KRT82: variants seen among roughly 807,000 people sequenced by gnomAD.
The protein encoded by KRT82 is keratin, type II cuticular Hb2.
In KRT82, 44 loss-of-function variants were observed where a neutral mutation model predicts 48.0. The observed-to-expected ratio is 0.92, with a 90% CI of 0.72 to 1.18. The LOEUF (loss-of-function observed/expected upper bound fraction) is 1.18. Ranked by LOEUF, KRT82 falls within the 50% of genes most tolerant of loss-of-function variation. The pLI is 0.00. For missense variants in KRT82, 701 were observed against 671.4 expected (o/e 1.04, Z -0.49); for synonymous variants, 297 against 278.3 (o/e 1.07, Z -0.67).
In KRT82 at chr12:52,401,191, G is replaced by C. The variant is rs930495149; in HGVS notation, c.681+98C>G. 54 of 975,676 alleles carry C rather than the reference G, an allele frequency of 5.5e-5. No homozygotes were observed. In the Admixed American group the frequency reaches 7.1e-4, roughly 13 times the overall value. The allele number at this position is 975,676 out of a possible 1,614,324, so 60.4% of individuals were successfully genotyped here. ...GGGCGAAAAACCCTTTTTCAGAGTG[G>C]GTGGGCTGCAGACACGTTTGGACTG... On this transcript the variant is annotated intron_variant, in intron 3 of 8. Transcript: ENST00000257974.
intron 4 of KRT82, 72 bp downstream of exon 4, chr12:52,400,455 G>T (rs377080239): frequency 1.8e-6 from 2 of 1,126,650 alleles, no homozygotes; most frequent in Non-Finnish European, 2.7e-6. Flanking sequence ...CCCACTGGGC[G>T]GCCACTCTGC....
intron 6 of KRT82, 24 bp from the exon 7 acceptor site, chr12:52,396,256 AT>A (rs1169364145): frequency 6.3e-7 from 1 of 1,596,344 alleles, no homozygotes; most frequent in South Asian, 1.1e-5. Flanking sequence ...GCAGAAAAGC[AT>A]CACTGGGGGC....
chr12:52,403,716 T>C lies in KRT82; in HGVS notation c.605A>G (p.Glu202Gly), dbSNP rs748424473. 1 of 1,608,542 alleles carries C rather than the reference T, an allele frequency of 6.2e-7. No homozygotes were observed. Among genetic ancestry groups the C allele is most frequent in the Non-Finnish European group, 8.5e-7 (1 of 1,175,856 alleles). The change falls in exon 2 of 9, where the codon GAG becomes GGG. Residue 202 changes from glutamate (E) to glycine (G), a missense_variant. Glu to Gly is a moderately conservative substitution (Grantham distance 98). Transcript: ENST00000257974. ...SELCSLQAAL[E>G]GYKKKYEEEL... ...ACTGACTCACTTTTTCTTGTAGCCC[T>C]CCAGTGCAGCCTGGAGGCTGCAGAG...
chr12:52,404,179 C>A (rs1405879996), intron 1 of KRT82, among the ~76,000 whole-genome samples: 5 of 152,198 alleles, frequency 3.3e-5, no homozygotes, highest in Admixed American at 3.3e-4. Context: ...CTAGGCAAGT[C>A]CTGTTTCAGC....
Position 52,396,892 on chromosome 12 carries a change from G to T in KRT82, c.1059C>A (p.Val353=). 1 of 1,614,038 alleles carries T rather than the reference G, an allele frequency of 6.2e-7. No homozygotes were observed. The highest frequency in any genetic ancestry group is 8.5e-7 in the Non-Finnish European group (1 of 1,179,984). ...TCCTCCCCAGCCTCACCTGGGCTTT[G>T]ACATTCTCGGTTTCTTGCTGCAGCC... ...IQRLQQETEN[V]KAQRCKLEGA... is the part of the protein sequence containing the mutation. Residue 353 remains valine, a synonymous_variant, in exon 6 of 9, where the codon GTC becomes GTA. Coordinates refer to ENST00000257974, the MANE Select transcript of KRT82 (RefSeq NM_033033.4).
intron 1 of KRT82, 50 bp downstream of exon 1, chr12:52,405,817 C>A: frequency 6.5e-7 from 1 of 1,549,328 alleles, no homozygotes; most frequent in Non-Finnish European, 8.7e-7. Context: ...AAGACCAGAC[C>A]CCAGATCTGC....
intron 1 of KRT82, among the ~76,000 whole-genome samples, chr12:52,405,465 C>T (rs1220019731): frequency 6.6e-6 from 1 of 152,168 alleles, no homozygotes; most frequent in South Asian, 2.1e-4. Flanking sequence ...CACCTTCAGG[C>T]TCAAGAGTTG....
intron 5 of KRT82, among the ~76,000 whole-genome samples, chr12:52,399,323 G>A (rs1592153542): frequency 6.6e-6 from 1 of 152,294 alleles, no homozygotes; most frequent in Middle Eastern, 3.4e-3. Context: ...ATGAAGGCAG[G>A]GACTAGTGTC....
In KRT82 at chr12:52,406,081, C is replaced by A. The variant is rs143466157; in HGVS notation, c.197G>T (p.Arg66Leu). The change falls in exon 1 of 9, where the codon CGG (arginine) becomes CTG (leucine). Residue 66 changes from arginine (R) to leucine (L), a missense_variant. By Grantham distance (102) the Arg-to-Leu change is moderately radical. Coordinates refer to ENST00000257974, the MANE Select transcript of KRT82 (RefSeq NM_033033.4). ...SLCNVGFGRP[R>L]VASRCGGTLP... Reference sequence around the variant, plus strand: ...GGTACCTCCACACCTGGAGGCTACCCGGGGCCTCCCAAAGCCCACGTTGCA... The same window carrying A: ...GGTACCTCCACACCTGGAGGCTACCAGGGGCCTCCCAAAGCCCACGTTGCA... The A allele has an allele frequency of 1.2e-6, 2 of 1,613,562 alleles. No individual in the cohort carries two copies. Among genetic ancestry groups the A allele is most frequent in the Non-Finnish European group, 1.7e-6 (2 of 1,179,860 alleles).
chr12:52,395,985 C>A, intron 7 of KRT82, 27 bp downstream of exon 7: 2 of 1,613,438 alleles, frequency 1.2e-6, no homozygotes, highest in Non-Finnish European at 8.5e-7. Context: ...GGTAGCCCAT[C>A]TTTGACCCCC....
At chr12:52,397,477 AC>A (rs1428536824) in intron 5 of KRT82, among the ~76,000 whole-genome samples, 5 of 152,244 alleles carry the variant, frequency 3.3e-5, no homozygotes, top group African/African-American at 1.2e-4. Flanking sequence ...AATAAAAAAA[AC>A]AAAATGCAAT....
intron 5 of KRT82, among the ~76,000 whole-genome samples, chr12:52,398,368 G>A (rs1173163354): frequency 6.6e-6 from 1 of 152,092 alleles, no homozygotes; most frequent in African/African-American, 2.4e-5. Context: ...TGGCAGAATG[G>A]TGAACTCAAA....
rs1939676290 is a variant in KRT82, at chr12:52,394,335, A to G, written c.*640T>C. ...CATCACCTGCCAATGTGAGCTCAGGAGAAAGATTTATTCTCACAGTTTGGG... is the reference window on the plus strand; with the variant it reads ...CATCACCTGCCAATGTGAGCTCAGGGGAAAGATTTATTCTCACAGTTTGGG... On this transcript the variant is annotated 3_prime_UTR_variant, in exon 9 of 9. Coordinates refer to ENST00000257974, the MANE Select transcript of KRT82 (RefSeq NM_033033.4). 6.5e-6 allele frequency: 1 copy of G among 153,006 alleles called. No homozygotes were observed. Among genetic ancestry groups the G allele is most frequent in the African/African-American group, 2.4e-5 (1 of 41,470 alleles). The allele number at this position is 153,006 out of a possible 1,614,324, so 9.5% of individuals were successfully genotyped here. A position where few individuals can be genotyped will look rare whatever the true frequency, so the allele number is the denominator to read the frequency against.
chr12:52,400,086 G>A lies in KRT82; in HGVS notation c.841C>T (p.Arg281Trp), dbSNP rs772080389. Residue 281 changes from arginine to tryptophan, a missense_variant, in exon 5 of 9, where the codon CGG becomes TGG. Transcript: ENST00000257974. ...TSVIVKMDNSRELDVDGIIAE... is the reference protein window; with the variant it reads ...TSVIVKMDNSWELDVDGIIAE... ...ATGATGCCGTCCACGTCCAGCTCCC[G>A]GCTGTTGTCCATCTTCACAATGACC... 4.6e-5 allele frequency: 75 copies of A among 1,614,028 alleles called. No individual in the cohort carries two copies. The highest frequency in any genetic ancestry group is 1.6e-4 in the Middle Eastern group (1 of 6,084).
At chr12:52,395,535 G>A (rs1463966778) in intron 8 of KRT82, among the ~76,000 whole-genome samples, 1 of 152,072 alleles carries the variant, frequency 6.6e-6, no homozygotes, top group African/African-American at 2.4e-5. Context: ...TGGCTTCTGG[G>A]CCCTGAAGCA....
rs565302631 is a variant in KRT82, at chr12:52,401,313, C to G, written c.657G>C (p.Glu219Asp). ...CCTTCTTCAAGGCAACAAACTCATT[C>G]TCAACACAGGGACGCAGGGAGAGCT... ...EEELSLRPCV[E>D]NEFVALKKDV... The change falls in exon 3 of 9, where the codon GAG (glutamate) becomes GAC (aspartate). Residue 219 changes from glutamate (E) to aspartate (D), a missense_variant. Physicochemically the swap from Glu to Asp is conservative, Grantham distance 45. Transcript: ENST00000257974. 1.7e-5 allele frequency: 27 copies of G among 1,613,952 alleles called. No homozygotes were observed. The South Asian group carries it at 3.0e-4, about 18-fold the overall frequency.
intron 1 of KRT82, among the ~76,000 whole-genome samples, chr12:52,405,264 C>T (rs1269688131): frequency 6.6e-6 from 1 of 152,208 alleles, no homozygotes; most frequent in Non-Finnish European, 1.5e-5. Flanking sequence ...CTGCACTGTT[C>T]CTGCAGTGGG....
intron 4 of KRT82, 151 bp from the exon 5 acceptor site, chr12:52,400,300 C>A: frequency 1.1e-6 from 1 of 891,322 alleles, no homozygotes. Context: ...CTCCTTGTCC[C>A]CACCCTCTGG....
intron 7 of KRT82, 76 bp downstream of exon 7, chr12:52,395,936 T>A (rs1358736592): frequency 1.3e-6 from 2 of 1,587,286 alleles, no homozygotes; most frequent in African/African-American, 2.7e-5. Context: ...TGAGAGATAC[T>A]AGCAGCCGCC....
Sources: allele counts gnomAD v4.1 joint callset (sites outside exome capture counted in the v4.1 genomes callset), GRCh38; gene constraint gnomAD v4.1.1; transcripts MANE v1.5; gene names NCBI Gene and HGNC (gene_info 2026-07-23, HGNC 2026-07-21).